The following PHF20L1 variants were observed in gnomAD, a reference collection of about 807,000 sequenced individuals.
PHF20L1 encodes the protein PHD finger protein 20 like 1.
In PHF20L1, 44 loss-of-function variants were observed where a neutral mutation model predicts 125.5. The observed-to-expected ratio is 0.35, with a 90% CI of 0.28 to 0.45. The LOEUF (loss-of-function observed/expected upper bound fraction) is 0.45. Ranked by LOEUF, PHF20L1 falls within the 20% of genes least tolerant of loss-of-function variation. The probability of loss-of-function intolerance (pLI) is 1.00; values close to 1 mark genes in which losing one functional copy is unlikely to be tolerated. For missense variants in PHF20L1, 1,012 were observed against 1,217.2 expected, an observed-to-expected ratio of 0.83 and a Z score of 2.51; for synonymous variants, 380 against 403.1, an observed-to-expected ratio of 0.94 and a Z score of 0.69.
chr8:132,825,513 G>A, intron 14 of PHF20L1, 142 bp downstream of exon 14: 1 of 629,868 alleles, frequency 1.6e-6, no homozygotes, highest in South Asian at 2.5e-5. Flanking sequence ...GCTTTCCTTT[G>A]ACATGAAATT....
At chr8:132,805,709 CT>C (rs1833610992) in intron 8 of PHF20L1, among the ~76,000 whole-genome samples, 1 of 151,886 alleles carries the variant, frequency 6.6e-6, no homozygotes, top group Non-Finnish European at 1.5e-5. Context: ...AGAGAGGAAG[CT>C]AACTGAAAGG....
chr8:132,802,768 T>TTG (rs1833230962), intron 6 of PHF20L1, among the ~76,000 whole-genome samples: 1 of 151,878 alleles, frequency 6.6e-6, no homozygotes, highest in African/African-American at 2.4e-5. Context: ...TTAATCTACA[T>TTG]TGTTCATTGC....
At chr8:132,805,596 A>G (rs1036400973) in intron 8 of PHF20L1, among the ~76,000 whole-genome samples, 2 of 152,000 alleles carry the variant, frequency 1.3e-5, no homozygotes, top group Non-Finnish European at 2.9e-5. Context: ...TTGGCCTAAT[A>G]AAGCTGTAAA....
chr8:132,837,448 T>C (rs1837488690), intron 16 of PHF20L1, among the ~76,000 whole-genome samples: 1 of 152,166 alleles, frequency 6.6e-6, no homozygotes. Context: ...CAGTGAGAAT[T>C]AAATTAGAGA....
chr8:132,812,871 C>A, intron 9 of PHF20L1: 1 of 980,748 alleles, frequency 1.0e-6, no homozygotes, highest in Non-Finnish European at 1.2e-6. Flanking sequence ...ACTTACTGTG[C>A]TAATGGACTT....
At chr8:132,788,645 A>G (rs1452415275) in intron 2 of PHF20L1, among the ~76,000 whole-genome samples, 1 of 152,002 alleles carries the variant, frequency 6.6e-6, no homozygotes, top group African/African-American at 2.4e-5. Context: ...TATATATTTT[A>G]AATTAGAAGA....
intron 14 of PHF20L1, 146 bp from the exon 15 acceptor site, chr8:132,832,089 G>C (rs1228656637): frequency 1.6e-6 from 1 of 609,764 alleles, no homozygotes; most frequent in Non-Finnish European, 2.9e-6. Flanking sequence ...CAGTTCATCA[G>C]ATCCATATGT....
chr8:132,842,246 C>A, intron 18 of PHF20L1: 1 of 281,840 alleles, frequency 3.5e-6, no homozygotes, highest in Non-Finnish European at 6.5e-6. Flanking sequence ...AATGACAAAT[C>A]AGTAGAAAAA....
intron 6 of PHF20L1, among the ~76,000 whole-genome samples, chr8:132,800,634 C>G (rs1832938081): frequency 6.6e-6 from 1 of 151,674 alleles, no homozygotes. Context: ...AATGCTCTTC[C>G]TGAACCTGTC....
chr8:132,843,364 T>C lies in PHF20L1; in HGVS notation c.2748+489T>C, dbSNP rs772627804. On this transcript the variant is annotated intron_variant, in intron 19 of 20. Transcript: ENST00000395386. ...TGTGCATTGGACATCTATAAACTTA[T>C]TTCCTGTTCACTGGGATTATCTTAG... 101 of 979,296 alleles carry C rather than the reference T, an allele frequency of 1.0e-4. 1 individual carries two copies. The highest frequency in any genetic ancestry group is 2.4e-4 in the South Asian group (5 of 21,162). 60.7% of individuals were successfully genotyped at this position (979,296 alleles called of 1,614,324 possible).
At chr8:132,792,611 C>T (rs889871746) in intron 2 of PHF20L1, among the ~76,000 whole-genome samples, 1 of 152,132 alleles carries the variant, frequency 6.6e-6, no homozygotes, top group Non-Finnish European at 1.5e-5. Flanking sequence ...CAGACATTCC[C>T]GCCTTTCTTT....
intron 8 of PHF20L1, chr8:132,810,423 A>T (rs1834247946): frequency 6.6e-6 from 1 of 151,996 alleles, no homozygotes; most frequent in African/African-American, 2.4e-5. Flanking sequence ...TCATTTATAG[A>T]CAAAATGACA....
intron 10 of PHF20L1, 166 bp downstream of exon 10, chr8:132,815,055 TACTG>T: frequency 3.8e-6 from 2 of 530,458 alleles, no homozygotes; most frequent in Non-Finnish European, 6.6e-6. Context: ...AGACATTTCT[TACTG>T]ATTTATTGCT....
rs1833386361 is a variant in PHF20L1, at chr8:132,803,950, A to C, written c.639A>C (p.Ser213=). 6.2e-7 allele frequency: 1 copy of C among 1,612,088 alleles called. No homozygotes were observed. The highest frequency in any genetic ancestry group is 2.2e-5 in the East Asian group (1 of 44,796). The change falls in exon 7 of 21, where the codon TCA becomes TCC. Residue 213 remains serine, a synonymous_variant. Coordinates refer to ENST00000395386, the MANE Select transcript of PHF20L1 (RefSeq NM_016018.5). ...KDERKWFKVP[S]KKEETSTCIA... Reference sequence around the variant, plus strand: ...AGAGAAAGTGGTTTAAAGTACCTTCAAAGAAGGAGGAAACTTCAACTTGTA... The same window carrying C: ...AGAGAAAGTGGTTTAAAGTACCTTCCAAGAAGGAGGAAACTTCAACTTGTA...
chr8:132,809,807 T>A (rs1243986560), intron 8 of PHF20L1: 1 of 152,038 alleles, frequency 6.6e-6, no homozygotes, highest in East Asian at 1.9e-4. Context: ...GTTCTAGGCT[T>A]ATAAACTGGG....
Position 132,845,783 on chromosome 8 carries a change from C to T in PHF20L1, c.2914C>T (p.Leu972=). 1.2e-6 allele frequency: 2 copies of T among 1,603,940 alleles called. No homozygotes were observed. The highest frequency in any genetic ancestry group is 1.7e-6 in the Non-Finnish European group (2 of 1,171,344). The change falls in exon 21 of 21, where the codon CTG becomes TTG. Residue 972 remains leucine, a splice_region_variant and synonymous_variant. Coordinates refer to ENST00000395386, the MANE Select transcript of PHF20L1 (RefSeq NM_016018.5). The part of the protein sequence containing the change: ...MDLIEKEVDV[L]ESWLDFTGEL... ...GTTTATCTTCTTCTCTCTTTTAGTT[C>T]TGGAAAGCTGGCTTGATTTCACAGG... is the stretch of plus-strand genomic sequence containing the variant.
At chr8:132,797,636 A>G (rs1832559906) in intron 4 of PHF20L1, among the ~76,000 whole-genome samples, 2 of 152,036 alleles carry the variant, frequency 1.3e-5, no homozygotes, top group African/African-American at 4.8e-5. Flanking sequence ...TTGTCTTTAC[A>G]TCCTTGCTAT....
At chr8:132,845,489 AT>A (rs1838344660) in intron 20 of PHF20L1, among the ~76,000 whole-genome samples, 1 of 151,912 alleles carries the variant, frequency 6.6e-6, no homozygotes, top group South Asian at 2.1e-4. Flanking sequence ...GTATATGTTT[AT>A]GTGTGTGTGT....
At chr8:132,821,222 A>G (rs537389489) in intron 12 of PHF20L1, among the ~76,000 whole-genome samples, 47 of 150,310 alleles carry the variant, frequency 3.1e-4, no homozygotes, top group African/African-American at 1.1e-3. Flanking sequence ...TACTTATTAC[A>G]TAGATACTTA....
Sources: allele counts gnomAD v4.1 joint callset (sites outside exome capture counted in the v4.1 genomes callset), GRCh38; gene constraint gnomAD v4.1.1; transcripts MANE v1.5; gene names NCBI Gene and HGNC (gene_info 2026-07-23, HGNC 2026-07-21).